IMMP2L: variants seen among roughly 807,000 people sequenced by gnomAD.
The protein encoded by IMMP2L is inner mitochondrial membrane peptidase subunit 2.
IMMP2L carries 18 observed loss-of-function variants against 19.3 expected under a neutral mutation model. The observed-to-expected ratio is 0.93, with a 90% CI of 0.64 to 1.38. The LOEUF is 1.38. IMMP2L is among the 40% of genes most tolerant of loss of function. The pLI, the probability that IMMP2L is intolerant of heterozygous loss-of-function variation, is 0.00. For synonymous variants in IMMP2L, 76 were observed against 73.0 expected (o/e 1.04, Z -0.21); for missense variants, 233 against 218.2 (o/e 1.07, Z -0.43).
chr7:111,384,439 T>C (rs1425919166), intron 3 of IMMP2L, among the ~76,000 whole-genome samples: 1 of 152,028 alleles, frequency 6.6e-6, no homozygotes, highest in African/African-American at 2.4e-5. Context: ...CTTGAGTACA[T>C]TGTCAAGGTT....
At chr7:111,358,056 C>T (rs539598384) in intron 3 of IMMP2L, among the ~76,000 whole-genome samples, 2 of 151,752 alleles carry the variant, frequency 1.3e-5, no homozygotes, top group South Asian at 4.2e-4. Context: ...ACTGGGCTGT[C>T]AACCATTCAC....
chr7:110,765,883 G>A (rs1281443107), intron 5 of IMMP2L, among the ~76,000 whole-genome samples: 1 of 151,994 alleles, frequency 6.6e-6, no homozygotes, highest in East Asian at 1.9e-4. Context: ...TTTAAAAACT[G>A]TTTTTGCTAG....
At chr7:110,985,158 A>C (rs936831777) in intron 3 of IMMP2L, among the ~76,000 whole-genome samples, 7 of 152,128 alleles carry the variant, frequency 4.6e-5, no homozygotes, top group Admixed American at 2.0e-4. Flanking sequence ...GCCTCCAGAA[A>C]GGAACTCAAC....
At chr7:110,866,779 T>C (rs1808025376) in intron 5 of IMMP2L, among the ~76,000 whole-genome samples, 2 of 152,086 alleles carry the variant, frequency 1.3e-5, no homozygotes, top group Admixed American at 1.3e-4. Flanking sequence ...TATTTAGTGA[T>C]CTGTTTGTGG....
intron 3 of IMMP2L, among the ~76,000 whole-genome samples, chr7:111,145,726 A>T (rs185220714): frequency 6.6e-6 from 1 of 152,268 alleles, no homozygotes; most frequent in East Asian, 1.9e-4. Context: ...ATACTAAGGG[A>T]CTATTAGAAT....
chr7:110,903,206 G>A (rs531293291), intron 4 of IMMP2L, among the ~76,000 whole-genome samples: 6 of 152,256 alleles, frequency 3.9e-5, no homozygotes, highest in African/African-American at 7.2e-5. Flanking sequence ...TTGAGTATAC[G>A]TGGTATGTGG....
intron 3 of IMMP2L, among the ~76,000 whole-genome samples, chr7:111,218,743 A>G (rs1005229105): frequency 6.6e-6 from 1 of 152,032 alleles, no homozygotes; most frequent in Admixed American, 6.6e-5. Context: ...GTTATAGGCC[A>G]GGGCTACGTA....
intron 3 of IMMP2L, among the ~76,000 whole-genome samples, chr7:111,469,334 A>G (rs1420553473): frequency 6.6e-6 from 1 of 152,080 alleles, no homozygotes; most frequent in Non-Finnish European, 1.5e-5. Context: ...GAATCTATAA[A>G]TTACCTTGGG....
At chr7:111,490,716 C>T (rs11505907) in intron 2 of IMMP2L, among the ~76,000 whole-genome samples, 33,651 of 151,862 alleles carry the variant, frequency 0.22, 5,381 homozygotes, top group African/African-American at 0.45. Context: ...CATTATGCCA[C>T]TCATTACTAG....
At chr7:110,813,210 T>G (rs1028315964) in intron 5 of IMMP2L, among the ~76,000 whole-genome samples, 3 of 152,210 alleles carry the variant, frequency 2.0e-5, no homozygotes, top group Middle Eastern at 3.4e-3. Flanking sequence ...TTTTATACTT[T>G]ATTCAATAAC....
chr7:111,345,994 G>C (rs1827499956), intron 3 of IMMP2L, among the ~76,000 whole-genome samples: 1 of 152,090 alleles, frequency 6.6e-6, no homozygotes, highest in Non-Finnish European at 1.5e-5. Context: ...AGATTAAATA[G>C]CTATAGCTTA....
intron 3 of IMMP2L, among the ~76,000 whole-genome samples, chr7:111,157,064 A>G (rs1271708604): frequency 6.6e-6 from 1 of 152,110 alleles, no homozygotes; most frequent in Non-Finnish European, 1.5e-5. Flanking sequence ...CATATAAAAC[A>G]TAAGGCATTA....
intron 3 of IMMP2L, among the ~76,000 whole-genome samples, chr7:111,431,106 C>T (rs760005020): frequency 3.8e-4 from 57 of 151,788 alleles, no homozygotes; most frequent in Admixed American, 8.5e-4. Context: ...GACTCTGTCT[C>T]ACAAAAAAGT....
intron 3 of IMMP2L, among the ~76,000 whole-genome samples, chr7:111,023,543 C>CAAAAAAAAAAAAAAAAA (rs5886587): frequency 7.5e-6 from 1 of 133,086 alleles, no homozygotes; most frequent in African/African-American, 2.8e-5. Context: ...ACTAAAAATA[C>CAAAAAAAAAAAAAAAAA]AAAAAAAAAA....
In IMMP2L at chr7:111,327,187, T is replaced by G. The variant is rs564746946; in HGVS notation, c.239+160051A>C. On this transcript the variant is annotated intron_variant, in intron 3 of 5. Coordinates refer to ENST00000405709, the MANE Select transcript of IMMP2L (RefSeq NM_032549.4). Reference sequence around the variant, plus strand: ...ACTTATATGAAGTATCTAAAATAGTTTAATTCATAAAGGCAAAAAGGGAAT... The same window carrying G: ...ACTTATATGAAGTATCTAAAATAGTGTAATTCATAAAGGCAAAAAGGGAAT... 2.6e-3 allele frequency among the ~76,000 whole-genome samples: 396 copies of G among 151,798 alleles called. 3 individuals are homozygous for G. The highest frequency in any genetic ancestry group is 9.4e-3 in the African/African-American group (388 of 41,494).
At chr7:110,909,926 CAG>C (rs139251144) in intron 4 of IMMP2L, among the ~76,000 whole-genome samples, 672 of 144,162 alleles carry the variant, frequency 4.7e-3, no homozygotes, top group Admixed American at 6.1e-3. Context: ...GAGAGATAGA[CAG>C]AGAGAGAGAG....
At chr7:111,217,126 T>TCTCACACACACACACACA (rs1472700586) in intron 3 of IMMP2L, among the ~76,000 whole-genome samples, 3 of 123,996 alleles carry the variant, frequency 2.4e-5, no homozygotes, top group African/African-American at 9.5e-5. Flanking sequence ...TCTCTCTCTC[T>TCTCACACACACACACACA]CACACACACA....
intron 3 of IMMP2L, among the ~76,000 whole-genome samples, chr7:111,117,404 A>G (rs1800020764): frequency 6.6e-6 from 1 of 152,102 alleles, no homozygotes; most frequent in African/African-American, 2.4e-5. Flanking sequence ...AAAATCATCC[A>G]GTAAACCTGG....
chr7:110,728,831 A>G lies in IMMP2L; in HGVS notation c.409-65110T>C, dbSNP rs74976636. Among the ~76,000 whole-genome samples, 1,040 of 152,324 alleles carry G rather than the reference A, an allele frequency of 6.8e-3. 33 individuals carry two copies. Among genetic ancestry groups the G allele is most frequent in the East Asian group, 0.068 (353 of 5,172 alleles). On this transcript the variant is annotated intron_variant, in intron 5 of 5. Coordinates refer to ENST00000405709, the MANE Select transcript of IMMP2L (RefSeq NM_032549.4). The surrounding 1 kb of genome is among the most constrained non-coding windows in gnomAD (Gnocchi z 4.6). ...TACCCCCATTAAATGATGAAAAACTAGGACTTAAGGTCCTTGTCCATGGTA... is the reference window on the plus strand; with the variant it reads ...TACCCCCATTAAATGATGAAAAACTGGGACTTAAGGTCCTTGTCCATGGTA...
Sources: gnomAD v4.1 joint callset for allele counts (sites outside exome capture counted in the v4.1 genomes callset) on GRCh38, gnomAD v4.1.1 for gene constraint, Gnocchi (gnomAD v3.1) non-coding constraint, MANE v1.5 for transcripts, NCBI Gene and HGNC (gene_info 2026-07-23, HGNC 2026-07-21) for gene names.